MTFR2: variants seen among roughly 807,000 people sequenced by gnomAD.
MTFR2 encodes DUF729 domain-containing protein 1.
A neutral mutation model predicts 41.2 loss-of-function variants in MTFR2; 44 were observed. That is an observed-to-expected ratio of 1.07 (90% CI 0.84 to 1.37). The LOEUF (loss-of-function observed/expected upper bound fraction) is 1.37, where lower values mean the gene tolerates loss of function less well. Ranked by LOEUF, MTFR2 falls within the 40% of genes most tolerant of loss-of-function variation. The pLI is 0.00. For missense variants in MTFR2, 452 were observed against 459.5 expected, an observed-to-expected ratio of 0.98 and a Z score of 0.15; for synonymous variants, 141 against 154.6, an observed-to-expected ratio of 0.91 and a Z score of 0.65.
At chr6:136,240,890 GA>G (rs1016424312) in intron 5 of MTFR2, among the ~76,000 whole-genome samples, 6 of 152,146 alleles carry the variant, frequency 3.9e-5, no homozygotes, top group Non-Finnish European at 8.8e-5. Flanking sequence ...AGGAGATCGA[GA>G]CCATCCTGGC....
At position 136,241,435 on chromosome 6, in the gene MTFR2, GTTAC is replaced by G. The variant is rs775532190; in HGVS notation, c.514+5_514+8del. 8.1e-6 allele frequency: 13 copies of G among 1,601,926 alleles called. No homozygotes were observed. The highest frequency in any genetic ancestry group is 2.2e-5 in the South Asian group (2 of 89,808). On this transcript the variant is annotated splice_donor_5th_base_variant and intron_variant, in intron 5 of 7. Transcript: ENST00000420702. ...ATCTAACTGAAACAAAAATCCTACT[GTTAC>G]TTACTAGAATTTGTACTATTTTTCA...
intron 7 of MTFR2, among the ~76,000 whole-genome samples, chr6:136,231,689 A>AAAAGAAG (rs1779763694): frequency 6.6e-6 from 1 of 151,172 alleles, no homozygotes; most frequent in Non-Finnish European, 1.5e-5. Context: ...AAAAAAAAAA[A>AAAAGAAG]AAAGAAGATT....
intron 1 of MTFR2, 87 bp from the exon 2 acceptor site, chr6:136,249,240 G>A (rs751021427): frequency 1.8e-6 from 1 of 556,932 alleles, no homozygotes; most frequent in Non-Finnish European, 3.0e-6. Context: ...CTTGATACAC[G>A]ACACAGTCAA....
chr6:136,232,336 C>T (rs149913700), intron 7 of MTFR2, among the ~76,000 whole-genome samples: 1 of 152,222 alleles, frequency 6.6e-6, no homozygotes, highest in East Asian at 1.9e-4. Context: ...CTCACTGCAA[C>T]CTCCACCTCC....
intron 4 of MTFR2, among the ~76,000 whole-genome samples, chr6:136,242,643 C>G (rs1340602793): frequency 6.6e-6 from 1 of 151,856 alleles, no homozygotes; most frequent in Non-Finnish European, 1.5e-5. Flanking sequence ...ATAACCACTC[C>G]CTCCTAGGCC....
chr6:136,249,309 TG>T (rs1327789066), intron 1 of MTFR2, among the ~76,000 whole-genome samples, 156 bp from the exon 2 acceptor site: 2 of 152,180 alleles, frequency 1.3e-5, no homozygotes, highest in Non-Finnish European at 2.9e-5. Context: ...AGGGGAAGTC[TG>T]GGGGAAAGAG....
At chr6:136,232,641 A>C (rs1779794312) in intron 7 of MTFR2, among the ~76,000 whole-genome samples, 1 of 152,122 alleles carries the variant, frequency 6.6e-6, no homozygotes, top group Non-Finnish European at 1.5e-5. Context: ...AGCTGACTTT[A>C]GATGCTGTTC....
intron 6 of MTFR2, among the ~76,000 whole-genome samples, chr6:136,238,279 A>G (rs1267054596): frequency 6.6e-6 from 1 of 152,216 alleles, no homozygotes; most frequent in Non-Finnish European, 1.5e-5. Context: ...ACAAAAAGAT[A>G]AATGCTGCAT....
At chr6:136,248,389 G>A (rs1446125344) in intron 2 of MTFR2, among the ~76,000 whole-genome samples, 3 of 152,142 alleles carry the variant, frequency 2.0e-5, no homozygotes, top group African/African-American at 7.2e-5. Flanking sequence ...TGAATCATGG[G>A]GGCAGCTTCT....
chr6:136,241,742 T>G, intron 4 of MTFR2, 66 bp from the exon 5 acceptor site: 3 of 1,208,002 alleles, frequency 2.5e-6, no homozygotes, highest in African/African-American at 1.5e-5. Flanking sequence ...GTATAAACTC[T>G]TACACTCCTA....
At position 136,246,789 on chromosome 6, in the gene MTFR2, GA is replaced by G. The variant is rs201879955; in HGVS notation, c.64-1921del. On this transcript the variant is annotated intron_variant, in intron 2 of 7. Coordinates refer to ENST00000420702, the MANE Select transcript of MTFR2 (RefSeq NM_001099286.3). Reference sequence around the variant, plus strand: ...CACTACTGTAATTACTCTTAGCTAGGAAAAAAAAATCACAAAACGACAATAT... The same window carrying G: ...CACTACTGTAATTACTCTTAGCTAGGAAAAAAAATCACAAAACGACAATAT... Among the ~76,000 whole-genome samples, 5 of 151,072 alleles carry G rather than the reference GA, an allele frequency of 3.3e-5. No homozygotes were observed. In the South Asian group the frequency reaches 1.1e-3, roughly 32 times the overall value.
At chr6:136,240,817 C>T (rs1037251347) in intron 5 of MTFR2, among the ~76,000 whole-genome samples, 55 of 152,270 alleles carry the variant, frequency 3.6e-4, no homozygotes, top group East Asian at 9.6e-4. Context: ...GAGGGCCGGG[C>T]GCGGTGGCTC....
intron 6 of MTFR2, 107 bp from the exon 7 acceptor site, chr6:136,233,606 C>T: frequency 2.4e-6 from 2 of 827,700 alleles, no homozygotes; most frequent in Non-Finnish European, 1.7e-6. Flanking sequence ...TTTAATTAGT[C>T]TTCAAGAGAT....
Position 136,233,515 on chromosome 6 carries a change from A to C in MTFR2, c.870-16T>G. ...GCCAGGTGACCTATTTTTTAAAAAAAAAAATTGAATTTATTAAAACTTGGA... is the reference window on the plus strand; with the variant it reads ...GCCAGGTGACCTATTTTTTAAAAAACAAAATTGAATTTATTAAAACTTGGA... On this transcript the variant is annotated splice_polypyrimidine_tract_variant and intron_variant, in intron 6 of 7. Coordinates refer to ENST00000420702, the MANE Select transcript of MTFR2 (RefSeq NM_001099286.3). 4 of 1,471,484 alleles carry C rather than the reference A, an allele frequency of 2.7e-6. No individual in the cohort carries two copies. Among genetic ancestry groups the C allele is most frequent in the Non-Finnish European group, 3.6e-6 (4 of 1,104,338 alleles). The allele number at this position is 1,471,484 out of a possible 1,614,324, so 91.2% of individuals were successfully genotyped here. A position where few individuals can be genotyped will look rare whatever the true frequency, so the allele number is the denominator to read the frequency against.
At chr6:136,247,349 TAA>T (rs879537795) in intron 2 of MTFR2, 656 of 300,738 alleles carry the variant, frequency 2.2e-3, no homozygotes, top group South Asian at 2.9e-3. Flanking sequence ...GACTCCATCT[TAA>T]AAAAAAAAAA....
intron 6 of MTFR2, among the ~76,000 whole-genome samples, chr6:136,233,968 CA>C (rs1208460424): frequency 6.6e-6 from 1 of 152,018 alleles, no homozygotes; most frequent in Non-Finnish European, 1.5e-5. Flanking sequence ...ATTCTGCTCC[CA>C]ATTCTTACAG....
At chr6:136,247,534 T>A (rs1287013251) in intron 2 of MTFR2, 1 of 456,260 alleles carries the variant, frequency 2.2e-6, no homozygotes, top group Non-Finnish European at 4.4e-6. Context: ...TCCAGAGTGA[T>A]GACAAATATG....
At chr6:136,248,987 A>C in intron 2 of MTFR2, 50 bp downstream of exon 2, 6 of 1,506,388 alleles carry the variant, frequency 4.0e-6, no homozygotes, top group Non-Finnish European at 5.4e-6. Flanking sequence ...TTCAAAATGA[A>C]ACCCAAGAAC....
At position 136,247,604 on chromosome 6, in the gene MTFR2, CT is replaced by C. The variant is rs1310245845; in HGVS notation, c.63+1432del. On this transcript the variant is annotated intron_variant, in intron 2 of 7. Coordinates refer to ENST00000420702, the MANE Select transcript of MTFR2 (RefSeq NM_001099286.3). ...AATTCCATCCTGCGGCCCCTTCAGG[CT>C]GATGGCCTCTCTCAATTTCTTTTCA... 1.4e-5 allele frequency: 6 copies of C among 444,396 alleles called. No homozygotes were observed. The Admixed American group carries it at 1.5e-4, about 11-fold the overall frequency. 27.5% of individuals were successfully genotyped at this position (444,396 alleles called of 1,614,324 possible).
Sources: gnomAD v4.1 joint callset for allele counts (sites outside exome capture counted in the v4.1 genomes callset) on GRCh38, gnomAD v4.1.1 for gene constraint, MANE v1.5 for transcripts, NCBI Gene and HGNC (gene_info 2026-07-23, HGNC 2026-07-21) for gene names.